Variants in CDH4 observed in about 807,000 individuals in gnomAD.
CDH4 encodes cadherin 4.
A neutral mutation model predicts 86.0 loss-of-function variants in CDH4; 33 were observed. That is an observed-to-expected ratio of 0.38 (90% CI 0.29 to 0.51). CDH4 has a LOEUF of 0.51. CDH4 is among the 20% of genes least tolerant of loss of function. The probability of loss-of-function intolerance (pLI) is 0.86; values close to 1 mark genes in which losing one functional copy is unlikely to be tolerated. For missense variants in CDH4, 1,114 were observed against 1,307.4 expected, an observed-to-expected ratio of 0.85 and a Z score of 2.28; for synonymous variants, 555 against 549.4, an observed-to-expected ratio of 1.01 and a Z score of -0.14.
chr20:61,363,615 G>A (rs2084796145), intron 2 of CDH4, among the ~76,000 whole-genome samples: 1 of 152,210 alleles, frequency 6.6e-6, no homozygotes, highest in African/African-American at 2.4e-5. Flanking sequence ...GGGATGAAGG[G>A]CAGGTGTCAA....
At chr20:61,425,428 CTGG>C (rs1484935220) in intron 2 of CDH4, among the ~76,000 whole-genome samples, 7 of 152,198 alleles carry the variant, frequency 4.6e-5, no homozygotes, top group African/African-American at 1.7e-4. Flanking sequence ...ACAGCTGGGA[CTGG>C]CTCCTGTCTG....
Position 61,743,485 on chromosome 20 carries a change from G to A in CDH4, c.170-78G>A, listed in dbSNP as rs7269764. ...CATGCCCACTGGGGGCCTGTAGGGC[G>A]TCCTGCGTGGTTGCTGCCATTGTTA... On this transcript the variant is annotated intron_variant, in intron 2 of 15. Transcript: ENST00000614565. The A allele has an allele frequency of 0.012, 12,589 of 1,085,546 alleles. 999 individuals carry two copies. The African/African-American group carries it at 0.17, about 15-fold the overall frequency. The allele number at this position is 1,085,546 out of a possible 1,614,324, so 67.2% of individuals were successfully genotyped here.
intron 2 of CDH4, among the ~76,000 whole-genome samples, chr20:61,346,199 G>A (rs761471001): frequency 1.3e-5 from 2 of 152,190 alleles, no homozygotes; most frequent in African/African-American, 4.8e-5. Context: ...GGGGCTGAGT[G>A]TGTCTGGAAG....
At chr20:61,253,493 G>A (rs140733940) in intron 1 of CDH4, among the ~76,000 whole-genome samples, 4,761 of 152,132 alleles carry the variant, frequency 0.031, 106 homozygotes, top group Non-Finnish European at 0.048. Context: ...CCCGGGCAGC[G>A]CTGTTGTAAC....
chr20:61,383,319 G>T (rs1197147897), intron 2 of CDH4, among the ~76,000 whole-genome samples: 1 of 5,352 alleles, frequency 1.9e-4, no homozygotes, highest in Non-Finnish European at 6.9e-4. Flanking sequence ...GAATATATGT[G>T]ATATATATGA....
At position 61,417,265 on chromosome 20, in the gene CDH4, C is replaced by T. The variant is rs990964262; in HGVS notation, c.169+162328C>T. On this transcript the variant is annotated intron_variant, in intron 2 of 15. Transcript: ENST00000614565. The surrounding 1 kb of genome is among the most constrained non-coding windows in gnomAD (Gnocchi z 4.0). ...TCCCCCTCCCTCTCACTCTTTTCTC[C>T]CACTCTCCCCCTCCTCCCTCTCTGT... Among the ~76,000 whole-genome samples, 10 of 151,732 alleles carry T rather than the reference C, an allele frequency of 6.6e-5. No homozygotes were observed. The highest frequency in any genetic ancestry group is 1.3e-4 in the Non-Finnish European group (9 of 67,928).
At chr20:61,733,694 GAAGA>G (rs946745105) in intron 2 of CDH4, among the ~76,000 whole-genome samples, 13 of 151,418 alleles carry the variant, frequency 8.6e-5, no homozygotes, top group African/African-American at 2.2e-4. Flanking sequence ...AGAAAGGAAA[GAAGA>G]AAGAAAGAAT....
intron 6 of CDH4, among the ~76,000 whole-genome samples, chr20:61,871,222 A>C (rs868002019): frequency 1.3e-5 from 2 of 152,186 alleles, no homozygotes; most frequent in South Asian, 4.2e-4. Flanking sequence ...CATTTATCAC[A>C]TTTAGTGTCT....
chr20:61,889,353 GTGGATGA>G (rs1377300319), intron 7 of CDH4, among the ~76,000 whole-genome samples: 3 of 145,764 alleles, frequency 2.1e-5, no homozygotes, highest in South Asian at 4.5e-4. Flanking sequence ...TGAGTGGATG[GTGGATGA>G]TGGATGATGG....
At chr20:61,313,865 T>C (rs756148298) in intron 2 of CDH4, among the ~76,000 whole-genome samples, 2 of 152,122 alleles carry the variant, frequency 1.3e-5, no homozygotes, top group Non-Finnish European at 2.9e-5. Context: ...GCCTCCTGAG[T>C]AGCTAGGACT....
At chr20:61,272,710 C>T (rs577267057) in intron 2 of CDH4, among the ~76,000 whole-genome samples, 54 of 151,624 alleles carry the variant, frequency 3.6e-4, no homozygotes, top group Middle Eastern at 3.4e-3. Flanking sequence ...TGGAGGATTA[C>T]TGTGTGCAGT....
At chr20:61,718,807 C>T (rs1184794067) in intron 2 of CDH4, 2 of 471,244 alleles carry the variant, frequency 4.2e-6, no homozygotes, top group South Asian at 1.5e-5. Context: ...GAGGAGGCTG[C>T]ACCCACCATC....
At position 61,754,232 on chromosome 20, in the gene CDH4, A is replaced by T. The variant is rs919501929; in HGVS notation, c.396+10443A>T. The stretch of plus-strand genomic sequence containing the variant: ...AGGGAATAAATCTCTGTCTCAGCCC[A>T]CTGGCTTGTGGACCAGAGCCTTTCA... On this transcript the variant is annotated intron_variant, in intron 3 of 15. Coordinates refer to ENST00000614565, the MANE Select transcript of CDH4 (RefSeq NM_001794.5). This position sits in a 1 kb window ranked among gnomAD's most constrained non-coding sequence, Gnocchi z 4.7. 6.6e-6 allele frequency among the ~76,000 whole-genome samples: 1 copy of T among 152,180 alleles called. No homozygotes were observed. The highest frequency in any genetic ancestry group is 1.5e-5 in the Non-Finnish European group (1 of 68,014).
intron 2 of CDH4, among the ~76,000 whole-genome samples, chr20:61,638,198 C>CT (rs1426965303): frequency 6.6e-6 from 1 of 152,170 alleles, no homozygotes; most frequent in Non-Finnish European, 1.5e-5. Flanking sequence ...ATATAAGGTG[C>CT]TGATCTATGG....
intron 2 of CDH4, among the ~76,000 whole-genome samples, chr20:61,644,945 G>A (rs893340316): frequency 3.3e-5 from 5 of 152,208 alleles, no homozygotes; most frequent in African/African-American, 9.7e-5. Flanking sequence ...CCCGTCAGCC[G>A]ACTCCAGACC....
At chr20:61,656,300 G>GGCAGGCGC (rs2087188948) in intron 2 of CDH4, among the ~76,000 whole-genome samples, 7 of 126,732 alleles carry the variant, frequency 5.5e-5, no homozygotes, top group African/African-American at 2.0e-4. Context: ...TGCTGGGGTG[G>GGCAGGCGC]GTAGGCACGT....
chr20:61,461,880 G>A (rs925828237), intron 2 of CDH4, among the ~76,000 whole-genome samples: 10 of 152,152 alleles, frequency 6.6e-5, no homozygotes, highest in Admixed American at 1.3e-4. Context: ...CTGGAGTGCC[G>A]TGTGCATTCC....
chr20:61,586,120 TAGGG>T (rs2086472426), intron 2 of CDH4, among the ~76,000 whole-genome samples: 1 of 151,830 alleles, frequency 6.6e-6, no homozygotes, highest in African/African-American at 2.4e-5. Context: ...ATTGTGGTGA[TAGGG>T]AGGATGATGG....
intron 3 of CDH4, among the ~76,000 whole-genome samples, chr20:61,758,544 C>T (rs1160966795): frequency 1.3e-5 from 2 of 152,184 alleles, no homozygotes; most frequent in Admixed American, 6.5e-5. Context: ...GGTGAATCTG[C>T]CTCTGCCCAC....
Sources: gnomAD v4.1 joint callset for allele counts (sites outside exome capture counted in the v4.1 genomes callset) on GRCh38, gnomAD v4.1.1 for gene constraint, Gnocchi (gnomAD v3.1) non-coding constraint, MANE v1.5 for transcripts, NCBI Gene and HGNC (gene_info 2026-07-23, HGNC 2026-07-21) for gene names.